Variants in ADCK1 observed in about 807,000 individuals in gnomAD.
ADCK1 encodes aarF domain-containing protein kinase 1.
In ADCK1, 41 loss-of-function variants were observed where a neutral mutation model predicts 52.3. That is an observed-to-expected ratio of 0.78 (90% CI 0.61 to 1.02). The LOEUF (loss-of-function observed/expected upper bound fraction) is 1.02. Ranked by LOEUF, ADCK1 falls within the 50% of genes least tolerant of loss-of-function variation. The pLI is 0.00. For synonymous variants in ADCK1, 250 were observed against 274.6 expected, an observed-to-expected ratio of 0.91 and a Z score of 0.89; for missense variants, 658 against 679.5, an observed-to-expected ratio of 0.97 and a Z score of 0.35.
At chr14:77,877,009 G>A (rs2082915114) in intron 4 of ADCK1, among the ~76,000 whole-genome samples, 1 of 150,564 alleles carries the variant, frequency 6.6e-6, no homozygotes, top group African/African-American at 2.4e-5. Context: ...GACTTCAGGA[G>A]TTCGAGACCA....
intron 1 of ADCK1, among the ~76,000 whole-genome samples, chr14:77,809,593 G>T (rs1386199276): frequency 6.6e-6 from 1 of 151,852 alleles, no homozygotes; most frequent in Non-Finnish European, 1.5e-5. Flanking sequence ...CTCCCAAAGT[G>T]CTGGGATTAC....
At chr14:77,816,881 AATATATAT>A (rs71128689) in intron 1 of ADCK1, among the ~76,000 whole-genome samples, 19 of 110,012 alleles carry the variant, frequency 1.7e-4, no homozygotes, top group African/African-American at 3.7e-4. Flanking sequence ...GTAGATGGTA[AATATATAT>A]ATATATATAT....
At chr14:77,901,442 C>T (rs145843378) in intron 6 of ADCK1, among the ~76,000 whole-genome samples, 4,820 of 150,536 alleles carry the variant, frequency 0.032, 140 homozygotes, top group South Asian at 0.12. Context: ...CAGGCTGGTG[C>T]GTAGTGGTGC....
At chr14:77,836,382 C>G (rs1487475781) in intron 3 of ADCK1, among the ~76,000 whole-genome samples, 1 of 152,184 alleles carries the variant, frequency 6.6e-6, no homozygotes, top group East Asian at 1.9e-4. Context: ...TTAGGGGTCT[C>G]TATTATCTCA....
At chr14:77,817,415 C>A (rs895612488) in intron 1 of ADCK1, among the ~76,000 whole-genome samples, 1 of 152,132 alleles carries the variant, frequency 6.6e-6, no homozygotes, top group African/African-American at 2.4e-5. Context: ...CTGCTGCTCT[C>A]GTGTGGCACT....
chr14:77,863,315 G>A (rs2140146907), intron 4 of ADCK1, among the ~76,000 whole-genome samples: 1 of 152,240 alleles, frequency 6.6e-6, no homozygotes, highest in South Asian at 2.1e-4. Flanking sequence ...GGGAGATGAG[G>A]TCATCTTTGA....
In ADCK1 at chr14:77,835,832, C is replaced by T. The variant is rs573609884; in HGVS notation, c.219+13314C>T. On this transcript the variant is annotated intron_variant, in intron 3 of 10. Coordinates refer to ENST00000238561, the MANE Select transcript of ADCK1 (RefSeq NM_020421.4). Reference sequence around the variant, plus strand: ...TGTATTTTTTGTAGAGACAAGGTTTCGCCATGTTACCCAGGCTGGTTTAGA... The same window carrying T: ...TGTATTTTTTGTAGAGACAAGGTTTTGCCATGTTACCCAGGCTGGTTTAGA... Among the ~76,000 whole-genome samples the T allele has an allele frequency of 1.4e-4, 22 of 152,218 alleles. No individual in the cohort carries two copies. The East Asian group carries it at 3.3e-3, about 23-fold the overall frequency.
At chr14:77,824,285 T>C (rs1190260434) in intron 3 of ADCK1, among the ~76,000 whole-genome samples, 1 of 152,172 alleles carries the variant, frequency 6.6e-6, no homozygotes, top group Non-Finnish European at 1.5e-5. Flanking sequence ...AGTATATACC[T>C]GCAATAGATA....
intron 5 of ADCK1, among the ~76,000 whole-genome samples, chr14:77,895,944 A>AC (rs759012171): frequency 6.6e-6 from 1 of 151,928 alleles, no homozygotes; most frequent in Non-Finnish European, 1.5e-5. Context: ...TATTCAAAGA[A>AC]CCCCCTTCAT....
At chr14:77,883,407 G>T (rs1230853285) in intron 4 of ADCK1, among the ~76,000 whole-genome samples, 4 of 148,640 alleles carry the variant, frequency 2.7e-5, no homozygotes, top group East Asian at 4.0e-4. Flanking sequence ...GCTGCATGGG[G>T]GGTATAATTC....
intron 3 of ADCK1, among the ~76,000 whole-genome samples, chr14:77,823,334 G>T (rs2081620944): frequency 6.6e-6 from 1 of 152,110 alleles, no homozygotes; most frequent in African/African-American, 2.4e-5. Context: ...AAAAGTCCTC[G>T]TCATCCTTCT....
intron 5 of ADCK1, among the ~76,000 whole-genome samples, chr14:77,894,148 C>T (rs2083345549): frequency 6.6e-6 from 1 of 152,170 alleles, no homozygotes; most frequent in Non-Finnish European, 1.5e-5. Flanking sequence ...AAAAAATATC[C>T]AGAGATGTGG....
intron 5 of ADCK1, 80 bp from the exon 6 acceptor site, chr14:77,899,020 G>T: frequency 6.3e-7 from 1 of 1,577,238 alleles, no homozygotes; most frequent in Non-Finnish European, 8.6e-7. Context: ...TTACTCTAGG[G>T]GAGAACCAGG....
chr14:77,921,442 T>C (rs927484222), intron 7 of ADCK1, among the ~76,000 whole-genome samples: 5 of 151,912 alleles, frequency 3.3e-5, no homozygotes, highest in African/African-American at 1.2e-4. Context: ...TATTTTGACA[T>C]TGAATCTCAA....
intron 7 of ADCK1, among the ~76,000 whole-genome samples, chr14:77,918,656 C>G (rs1426607972): frequency 6.6e-6 from 1 of 152,178 alleles, no homozygotes; most frequent in East Asian, 1.9e-4. Context: ...CCTAGAAAGA[C>G]TAACACAATT....
At chr14:77,899,280 A>C (rs776807916) in intron 6 of ADCK1, 22 bp downstream of exon 6, 1 of 1,613,486 alleles carries the variant, frequency 6.2e-7, no homozygotes, top group Non-Finnish European at 8.5e-7. Flanking sequence ...GATGCAATGC[A>C]GGGTATGGTG....
At chr14:77,890,967 C>T (rs1333998180) in intron 5 of ADCK1, among the ~76,000 whole-genome samples, 1 of 151,954 alleles carries the variant, frequency 6.6e-6, no homozygotes, top group Non-Finnish European at 1.5e-5. Context: ...GAGATTCAAG[C>T]GACTGGGAAT....
intron 4 of ADCK1, among the ~76,000 whole-genome samples, chr14:77,862,354 G>C (rs1256818169): frequency 2.0e-5 from 3 of 152,222 alleles, no homozygotes; most frequent in African/African-American, 7.2e-5. Context: ...TGGGGCTGTG[G>C]GTCCAGATGC....
At chr14:77,862,168 A>C (rs1300106737) in intron 4 of ADCK1, among the ~76,000 whole-genome samples, 1 of 152,226 alleles carries the variant, frequency 6.6e-6, no homozygotes, top group Non-Finnish European at 1.5e-5. Context: ...ATTACCAGAA[A>C]GAAACTTACT....
Sources: allele counts gnomAD v4.1 joint callset (sites outside exome capture counted in the v4.1 genomes callset), GRCh38; gene constraint gnomAD v4.1.1; transcripts MANE v1.5; gene names NCBI Gene and HGNC (gene_info 2026-07-23, HGNC 2026-07-21).